MCF2: variants seen among roughly 807,000 people sequenced by gnomAD.
MCF2 encodes MCF.2 cell line derived transforming sequence, also known as proto-oncogene DBL.
A neutral mutation model predicts 82.5 loss-of-function variants in MCF2; 44 were observed. The ratio of observed to expected loss-of-function variants is 0.53; its 90% CI spans 0.42 to 0.69. The LOEUF is 0.69. MCF2 is among the 30% of genes least tolerant of loss of function. The probability of loss-of-function intolerance (pLI) is 0.00; values close to 1 mark genes in which losing one functional copy is unlikely to be tolerated. For synonymous variants in MCF2, 217 were observed against 224.9 expected, an observed-to-expected ratio of 0.96 and a Z score of 0.32; for missense variants, 623 against 663.1, an observed-to-expected ratio of 0.94 and a Z score of 0.66.
intron 1 of MCF2, among the ~76,000 whole-genome samples, chrX:139,693,464 G>A (rs1382025504): frequency 1.1e-5 from 1 of 89,246 alleles, no homozygotes; most frequent in Non-Finnish European, 2.2e-5. Flanking sequence ...AGTGCAAAAG[G>A]CAGAGTGAGT....
At chrX:139,678,111 T>G (rs1364470339) in intron 1 of MCF2, among the ~76,000 whole-genome samples, 1 of 111,676 alleles carries the variant, frequency 9.0e-6, no homozygotes. Context: ...TGCAGTGAGC[T>G]GTGATTCCAC....
At chrX:139,587,850 C>T in intron 21 of MCF2, 62 bp from the exon 26 acceptor site, 2 of 657,236 alleles carry the variant, frequency 3.0e-6, no homozygotes, top group South Asian at 2.5e-5. Context: ...CCTTGAAGGC[C>T]AATGACTTTC....
At chrX:139,597,617 C>A in intron 17 of MCF2, 32 bp from the exon 22 acceptor site, 1 of 1,083,293 alleles carries the variant, frequency 9.2e-7, no homozygotes, top group East Asian at 3.4e-5. Flanking sequence ...TAATATTAGG[C>A]AGATATTAAT....
intron 1 of MCF2, among the ~76,000 whole-genome samples, chrX:139,698,797 A>G (rs1332782882): frequency 8.9e-6 from 1 of 112,337 alleles, no homozygotes; most frequent in African/African-American, 3.2e-5. Context: ...ACAAATTTAA[A>G]GAATCAAGTC....
At chrX:139,677,529 G>A (rs1207768743) in intron 1 of MCF2, among the ~76,000 whole-genome samples, 3 of 111,691 alleles carry the variant, frequency 2.7e-5, no homozygotes, top group Non-Finnish European at 5.6e-5. Context: ...TACGCCACAG[G>A]TAACATGCTG....
chrX:139,598,324 C>T, intron 17 of MCF2, 82 bp downstream of exon 21: 1 of 632,443 alleles, frequency 1.6e-6, no homozygotes, highest in Non-Finnish European at 2.5e-6. Context: ...CTAGTGCTTC[C>T]TAGTAAACTA....
intron 13 of MCF2, 120 bp downstream of exon 17, chrX:139,605,593 C>A: frequency 1.9e-6 from 1 of 540,352 alleles, no homozygotes; most frequent in Non-Finnish European, 3.0e-6. Flanking sequence ...ATGCCCACTG[C>A]TGCCATATGA....
intron 12 of MCF2, among the ~76,000 whole-genome samples, chrX:139,606,441 TCC>T (rs1931019704): frequency 9.0e-6 from 1 of 110,612 alleles, no homozygotes; most frequent in Non-Finnish European, 1.9e-5. Context: ...TACTGCAACC[TCC>T]ACCTCCCGGG....
chrX:139,600,666 T>C (rs1013371768), intron 16 of MCF2, among the ~76,000 whole-genome samples: 1 of 111,786 alleles, frequency 8.9e-6, no homozygotes, highest in Non-Finnish European at 1.9e-5. Context: ...AAGATACAGG[T>C]ATTTGGGAAT....
chrX:139,622,055 A>C (rs1804007908), intron 6 of MCF2, among the ~76,000 whole-genome samples: 1 of 111,874 alleles, frequency 8.9e-6, no homozygotes, highest in African/African-American at 3.3e-5. Flanking sequence ...CAACCCCATC[A>C]AAAAGTGGGC....
intron 20 of MCF2, among the ~76,000 whole-genome samples, chrX:139,588,973 A>T (rs73571824): frequency 0.041 from 4,511 of 110,974 alleles, 117 homozygotes; most frequent in African/African-American, 0.087. Context: ...AATAATGGTA[A>T]AATAATGCTT....
At chrX:139,616,248 T>A (rs772723745) in intron 9 of MCF2, 34 bp downstream of exon 12, 16 of 890,874 alleles carry the variant, frequency 1.8e-5, no homozygotes, top group Non-Finnish European at 2.4e-5. Flanking sequence ...ATAATTTTCT[T>A]TAAATATTTA....
intron 24 of MCF2, 99 bp downstream of exon 28, chrX:139,584,967 G>T: frequency 2.0e-6 from 1 of 493,275 alleles, no homozygotes; most frequent in East Asian, 3.7e-5. Context: ...ACTCCTAATG[G>T]CCTCAAGGAT....
At chrX:139,630,585 A>T (rs928954946) in intron 3 of MCF2, among the ~76,000 whole-genome samples, 1 of 112,591 alleles carries the variant, frequency 8.9e-6, no homozygotes, top group Non-Finnish European at 1.9e-5. Flanking sequence ...TTGGCAATAC[A>T]TCTTCATGTG....
At chrX:139,610,303 T>C (rs773189304) in exon 11 of MCF2, 3 of 1,164,428 alleles carry the variant, frequency 2.6e-6, no homozygotes, top group Admixed American at 2.3e-5. Flanking sequence ...ATATTTACTT[T>C]TAAGTTGCTC....
At chrX:139,685,275 C>A (rs1190578522) in intron 1 of MCF2, among the ~76,000 whole-genome samples, 1 of 110,565 alleles carries the variant, frequency 9.0e-6, no homozygotes, top group Non-Finnish European at 1.9e-5. Flanking sequence ...TGTCTTATGC[C>A]CAATTTCTGC....
chrX:139,617,798 C>A (rs1189302919), intron 7 of MCF2, 94 bp from the exon 11 acceptor site: 3 of 480,760 alleles, frequency 6.2e-6, no homozygotes, highest in Non-Finnish European at 9.3e-6. Flanking sequence ...AATGTTTGAG[C>A]AAGAAGGATA....
chrX:139,669,847 T>G (rs773747922), intron 1 of MCF2, among the ~76,000 whole-genome samples: 2 of 111,588 alleles, frequency 1.8e-5, no homozygotes, highest in Non-Finnish European at 3.8e-5. Context: ...AGAATAAGCA[T>G]AGAGAGAAAG....
intron 21 of MCF2, 84 bp downstream of exon 25, chrX:139,588,276 A>G (rs987494829): frequency 5.8e-6 from 4 of 689,378 alleles, no homozygotes; most frequent in Non-Finnish European, 8.9e-6. Context: ...TATCAGCCCC[A>G]TTCTCTGGAA....
Sources: gnomAD v4.1 joint callset for allele counts (sites outside exome capture counted in the v4.1 genomes callset) on GRCh38, gnomAD v4.1.1 for gene constraint, MANE v1.5 for transcripts, NCBI Gene and HGNC (gene_info 2026-07-23, HGNC 2026-07-21) for gene names.